TSPEAR: variants seen among roughly 807,000 people sequenced by gnomAD.
TSPEAR encodes the protein thrombospondin type laminin G domain and EAR repeats, also known as thrombospondin-type laminin G domain and EAR repeat-containing protein.
In TSPEAR, 69 loss-of-function variants were observed where a neutral mutation model predicts 71.6. That is an observed-to-expected ratio of 0.96 (90% CI 0.79 to 1.18). TSPEAR has a LOEUF of 1.18. Among genes scored for constraint, TSPEAR ranks in the 50% most tolerant of loss-of-function variants. The pLI, the probability that TSPEAR is intolerant of heterozygous loss-of-function variation, is 0.00. For synonymous variants in TSPEAR, 402 were observed against 387.2 expected (o/e 1.04, Z -0.45); for missense variants, 971 against 894.9 (o/e 1.09, Z -1.09).
chr21:44,556,675 G>A (rs1297756912), intron 2 of TSPEAR, among the ~76,000 whole-genome samples: 1 of 152,198 alleles, frequency 6.6e-6, no homozygotes, highest in Admixed American at 6.5e-5. Context: ...CTGGGCAACA[G>A]AGCCAGACTC....
intron 1 of TSPEAR, among the ~76,000 whole-genome samples, chr21:44,586,824 T>C (rs782466022): frequency 6.6e-6 from 1 of 152,210 alleles, no homozygotes; most frequent in Non-Finnish European, 1.5e-5. Context: ...GAAAAAGCTT[T>C]CGACAAAATC....
chr21:44,640,124 A>T (rs1983941170), intron 1 of TSPEAR, among the ~76,000 whole-genome samples: 1 of 152,234 alleles, frequency 6.6e-6, no homozygotes, highest in Non-Finnish European at 1.5e-5. Flanking sequence ...CAAGAAGTGG[A>T]AAGAGCCCAA....
intron 1 of TSPEAR, among the ~76,000 whole-genome samples, chr21:44,586,428 G>A (rs1979343256): frequency 6.6e-6 from 1 of 152,114 alleles, no homozygotes; most frequent in Non-Finnish European, 1.5e-5. Context: ...TTGGGGAGTA[G>A]CCAGCCCAAA....
intron 1 of TSPEAR, among the ~76,000 whole-genome samples, chr21:44,571,445 G>A (rs587681451): frequency 5.6e-4 from 85 of 152,344 alleles, no homozygotes; most frequent in African/African-American, 1.9e-3. Context: ...AGATCAGGTG[G>A]GTGTTAATGC....
At chr21:44,540,387 T>C (rs2053198318) in intron 2 of TSPEAR, among the ~76,000 whole-genome samples, 1 of 152,104 alleles carries the variant, frequency 6.6e-6, no homozygotes, top group Non-Finnish European at 1.5e-5. Context: ...AGGTCATAAA[T>C]CTCCTGTCCT....
chr21:44,509,277 T>C lies in TSPEAR; in HGVS notation c.1676A>G (p.Tyr559Cys), dbSNP rs139158760. The C allele has an allele frequency of 7.4e-5, 120 of 1,613,648 alleles. No individual in the cohort carries two copies. The highest frequency in any genetic ancestry group is 6.5e-5 in the Non-Finnish European group (77 of 1,179,816). The change falls in exon 10 of 12, where the codon TAT becomes TGT. Residue 559 changes from tyrosine to cysteine, a missense_variant. Transcript: ENST00000323084. ...DVEMQVQNDS[Y>C]VINSVIYELN... is the part of the protein sequence containing the mutation. Reference sequence around the variant, plus strand: ...CTCGTAGATGACGGAGTTGATGACATAGGAATCATTCTGGACTTGCATCTC... The same window carrying C: ...CTCGTAGATGACGGAGTTGATGACACAGGAATCATTCTGGACTTGCATCTC...
In TSPEAR at chr21:44,549,959, G is replaced by A. The variant is rs190557626; in HGVS notation, c.304-16036C>T. 3.8e-3 allele frequency among the ~76,000 whole-genome samples: 577 copies of A among 152,342 alleles called. 4 individuals carry two copies. Among genetic ancestry groups the A allele is most frequent in the African/African-American group, 0.013 (554 of 41,574 alleles). Reference sequence around the variant, plus strand: ...CAGGATGCCCAAGCTGTCCCTGAGTGGAACTCCCTGAGCGCAGGGACAGCT... The same window carrying A: ...CAGGATGCCCAAGCTGTCCCTGAGTAGAACTCCCTGAGCGCAGGGACAGCT... On this transcript the variant is annotated intron_variant, in intron 2 of 11. Transcript: ENST00000323084.
At chr21:44,694,771 G>GT (rs1393799486) in intron 1 of TSPEAR, among the ~76,000 whole-genome samples, 5 of 152,212 alleles carry the variant, frequency 3.3e-5, no homozygotes, top group African/African-American at 1.2e-4. Context: ...AAGGCTGCAG[G>GT]TTGTTGACCT....
intron 1 of TSPEAR, among the ~76,000 whole-genome samples, chr21:44,603,140 C>T (rs1243721014): frequency 6.6e-6 from 1 of 152,148 alleles, no homozygotes; most frequent in Non-Finnish European, 1.5e-5. Flanking sequence ...CTGCAACGAG[C>T]TGTCCCTCCC....
At chr21:44,681,141 A>G (rs1986565030) in intron 1 of TSPEAR, among the ~76,000 whole-genome samples, 1 of 152,234 alleles carries the variant, frequency 6.6e-6, no homozygotes, top group Non-Finnish European at 1.5e-5. Flanking sequence ...CAATTTTTAA[A>G]AAGTGCCATA....
intron 1 of TSPEAR, chr21:44,647,365 C>T (rs1555940413): frequency 2.5e-6 from 4 of 1,611,234 alleles, no homozygotes; most frequent in Admixed American, 1.7e-5. Context: ...AGTGCTCAAT[C>T]CTTGTCTCCT....
intron 8 of TSPEAR, among the ~76,000 whole-genome samples, chr21:44,524,744 A>G (rs960537247): frequency 3.3e-5 from 5 of 150,534 alleles, no homozygotes; most frequent in African/African-American, 7.4e-5. Context: ...CAGTCAGTCA[A>G]TCAGTCAGTA....
At chr21:44,574,369 G>T (rs781926210) in intron 1 of TSPEAR, 18 of 1,610,350 alleles carry the variant, frequency 1.1e-5, no homozygotes, top group Non-Finnish European at 1.5e-5. Context: ...ATCAGCTCCT[G>T]CACGCCCTCG....
intron 1 of TSPEAR, chr21:44,681,664 C>G (rs1986596559): frequency 1.2e-5 from 11 of 926,674 alleles, no homozygotes; most frequent in Non-Finnish European, 1.7e-5. Context: ...TAGGCAAGTT[C>G]AGCCAGGGCT....
chr21:44,596,600 C>T (rs1411518362), intron 1 of TSPEAR, among the ~76,000 whole-genome samples: 2 of 152,230 alleles, frequency 1.3e-5, no homozygotes, highest in African/African-American at 4.8e-5. Flanking sequence ...CTGCCAAAGC[C>T]GTGGAGCAAC....
At chr21:44,637,369 A>G in intron 1 of TSPEAR, 1 of 1,572,964 alleles carries the variant, frequency 6.4e-7, no homozygotes, top group Non-Finnish European at 8.6e-7. Flanking sequence ...TCACTCACAC[A>G]CTCACTCACT....
chr21:44,548,449 G>T (rs782763807), intron 2 of TSPEAR, among the ~76,000 whole-genome samples: 1 of 152,178 alleles, frequency 6.6e-6, no homozygotes, highest in Admixed American at 6.5e-5. Flanking sequence ...GTTGGGGTGG[G>T]TGGGTGGACG....
intron 1 of TSPEAR, among the ~76,000 whole-genome samples, chr21:44,571,741 T>C (rs1555922529): frequency 6.6e-6 from 1 of 152,210 alleles, no homozygotes; most frequent in East Asian, 1.9e-4. Flanking sequence ...AACCACAAAA[T>C]ACATAGTGAT....
chr21:44,514,227 C>T (rs959972583), intron 9 of TSPEAR, among the ~76,000 whole-genome samples: 1 of 152,224 alleles, frequency 6.6e-6, no homozygotes, highest in African/African-American at 2.4e-5. Context: ...CACAGCCAGG[C>T]CTCATGAGGG....
Sources: gnomAD v4.1 joint callset for allele counts (sites outside exome capture counted in the v4.1 genomes callset) on GRCh38, gnomAD v4.1.1 for gene constraint, MANE v1.5 for transcripts, NCBI Gene and HGNC (gene_info 2026-07-23, HGNC 2026-07-21) for gene names.